The following FADS6 variants were observed in gnomAD, a reference collection of about 807,000 sequenced individuals.
FADS6 encodes fatty acid desaturase 6, also known as fatty acid desaturase domain family, member 6.
Under a neutral mutation model 31.7 loss-of-function variants are expected in FADS6, and 28 were observed. That is an observed-to-expected ratio of 0.88 (90% confidence interval 0.66 to 1.21). FADS6 has a LOEUF of 1.21. FADS6 is among the 50% of genes most tolerant of loss of function. The probability of loss-of-function intolerance (pLI) is 0.00; values close to 1 mark genes in which losing one functional copy is unlikely to be tolerated. For synonymous variants in FADS6, 191 were observed against 213.1 expected, an observed-to-expected ratio of 0.90 and a Z score of 0.90; for missense variants, 494 against 504.2, an observed-to-expected ratio of 0.98 and a Z score of 0.19.
chr17:74,893,296 C>T, intron 1 of FADS6, 56 bp downstream of exon 1: 1 of 1,460,034 alleles, frequency 6.8e-7, no homozygotes. Context: ...CCACCTCCGC[C>T]GCACCCCGCC....
intron 2 of FADS6, among the ~76,000 whole-genome samples, chr17:74,889,870 CAAAAAAAAAAA>C (rs59381032): frequency 9.3e-5 from 5 of 53,526 alleles, no homozygotes; most frequent in African/African-American, 2.8e-4. Context: ...GACTCAGTCT[CAAAAAAAAAAA>C]AAAAAAAAAA....
intron 5 of FADS6, 105 bp from the exon 6 acceptor site, chr17:74,878,582 T>C (rs916115060): frequency 7.2e-7 from 1 of 1,381,172 alleles, no homozygotes; most frequent in East Asian, 2.3e-5. Flanking sequence ...CCAGTTCCTA[T>C]CGGCCTTGTT....
intron 2 of FADS6, among the ~76,000 whole-genome samples, chr17:74,888,482 G>C (rs373693266): frequency 6.6e-6 from 1 of 152,164 alleles, no homozygotes; most frequent in African/African-American, 2.4e-5. Context: ...GGCCTGGAGG[G>C]TAATGGTCAC....
At position 74,892,591 on chromosome 17, in the gene FADS6, G is replaced by A; in HGVS notation, c.343C>T (p.Leu115=). The A allele has an allele frequency of 6.2e-7, 1 of 1,613,498 alleles. No individual in the cohort carries two copies. Among genetic ancestry groups the A allele is most frequent in the Non-Finnish European group, 8.5e-7 (1 of 1,179,672 alleles). The change falls in exon 2 of 6, where the codon CTG becomes TTG. Residue 115 remains leucine (L), a synonymous_variant. Transcript: ENST00000612771. ...HYTLTVKGSH[L]ATHGALTESK... The stretch of plus-strand genomic sequence containing the variant: ...TCGGTGAGGGCCCCATGAGTGGCCA[G>A]GTGGCTGCCCTTGACAGTGAGTGTG...
rs753174024 is a variant in FADS6, at chr17:74,893,471, T to C, written c.125A>G (p.Glu42Gly). The C allele has an allele frequency of 6.3e-7, 1 of 1,579,164 alleles. No homozygotes were observed. The highest frequency in any genetic ancestry group is 1.1e-5 in the South Asian group (1 of 87,742). Residue 42 changes from glutamate (E) to glycine (G), a missense_variant, in exon 1 of 6, where the codon GAG becomes GGG. By Grantham distance (98) the Glu-to-Gly change is moderately conservative. Around this residue, in one of 2 missense-constraint regions of FADS6, gnomAD observed 454 missense variants for 438.5 expected, o/e 1.04. Transcript: ENST00000612771. Reference protein sequence around the residue: ...EPARSAHRGGEALLRELEVLV... With the variant: ...EPARSAHRGGGALLRELEVLV... ...CACCTCCAGCTCCCGCAGCAGCGCC[T>C]CGCCCCCACGGTGCGCGCTCCGCGC...
rs370578781 is a variant in FADS6, at chr17:74,877,835, C to T, written c.*496G>A. The T allele has an allele frequency of 6.5e-5, 64 of 986,510 alleles. No homozygotes were observed. Among genetic ancestry groups the T allele is most frequent in the Non-Finnish European group, 7.2e-5 (60 of 830,872 alleles). 61.1% of individuals were successfully genotyped at this position (986,510 alleles called of 1,614,324 possible). On this transcript the variant is annotated 3_prime_UTR_variant, in exon 6 of 6. Transcript: ENST00000612771. ...AAAAGCAAGCTCACCCTAAGGTCCC[C>T]GGGGAGAGGGCACCTTGGTGGGCAG...
At chr17:74,876,817 G>A (rs1260853113), downstream of FADS6, among the ~76,000 whole-genome samples, 1 of 151,912 alleles carries the variant, frequency 6.6e-6, no homozygotes, top group East Asian at 1.9e-4. Flanking sequence ...AAAGTCAATA[G>A]TGCCAAGGTG....
downstream of FADS6, among the ~76,000 whole-genome samples, chr17:74,876,463 G>C (rs149443390): frequency 6.6e-4 from 101 of 152,222 alleles, no homozygotes; most frequent in African/African-American, 2.0e-3. Flanking sequence ...ATCCAACAAT[G>C]CACAGGACAG....
At chr17:74,879,880 C>T (rs780590236) in intron 4 of FADS6, among the ~76,000 whole-genome samples, 20 of 152,176 alleles carry the variant, frequency 1.3e-4, no homozygotes, top group Non-Finnish European at 2.2e-4. Context: ...CTCATCACAC[C>T]GTGCCCTTGC....
intron 2 of FADS6, among the ~76,000 whole-genome samples, chr17:74,889,732 A>G (rs1436294457): frequency 6.6e-6 from 1 of 151,756 alleles, no homozygotes; most frequent in Non-Finnish European, 1.5e-5. Flanking sequence ...TTAGCTGGAC[A>G]TGGTGGCGGG....
intron 3 of FADS6, 130 bp downstream of exon 3, chr17:74,882,400 G>T: frequency 9.3e-7 from 1 of 1,071,378 alleles, no homozygotes; most frequent in Non-Finnish European, 1.3e-6. Context: ...TTTCTACCTT[G>T]CCATGCTGTC....
Position 74,878,199 on chromosome 17 carries a change from C to G in FADS6, c.*132G>C. 6.9e-7 allele frequency: 1 copy of G among 1,442,612 alleles called. No individual in the cohort carries two copies. Among genetic ancestry groups the G allele is most frequent in the Non-Finnish European group, 9.1e-7 (1 of 1,101,854 alleles). The allele number at this position is 1,442,612 out of a possible 1,614,324, so 89.4% of individuals were successfully genotyped here. The stretch of plus-strand genomic sequence containing the variant: ...GACCCCAGGCCTGAGCTCCCCTGCC[C>G]CCCTGCCTGGCCGGTGCCTCCACTC... On this transcript the variant is annotated 3_prime_UTR_variant, in exon 6 of 6. Transcript: ENST00000612771.
At chr17:74,879,628 A>C in intron 4 of FADS6, 45 bp from the exon 5 acceptor site, 1 of 1,567,292 alleles carries the variant, frequency 6.4e-7, no homozygotes, top group African/African-American at 1.4e-5. Context: ...GGACCTCCCC[A>C]CCCCACTCCA....
chr17:74,887,558 T>C (rs577155454), intron 2 of FADS6, among the ~76,000 whole-genome samples: 1 of 152,344 alleles, frequency 6.6e-6, no homozygotes, highest in African/African-American at 2.4e-5. Context: ...CCCAGATCAG[T>C]GTTTTCTCAT....
At chr17:74,888,212 T>C (rs2038650970) in intron 2 of FADS6, among the ~76,000 whole-genome samples, 1 of 151,280 alleles carries the variant, frequency 6.6e-6, no homozygotes, top group South Asian at 2.1e-4. Flanking sequence ...TGATATTGAA[T>C]GACACTTAGA....
chr17:74,882,927 C>T (rs759102187), intron 2 of FADS6: 213 of 1,319,222 alleles, frequency 1.6e-4, no homozygotes, highest in Middle Eastern at 2.5e-4. Context: ...GTCCGTTTGA[C>T]GAGGCTCTGC....
intron 4 of FADS6, among the ~76,000 whole-genome samples, chr17:74,880,060 C>T (rs996315268): frequency 1.3e-5 from 2 of 152,122 alleles, no homozygotes. Context: ...GGACAGAACT[C>T]AATTATGGGA....
At chr17:74,888,143 C>T (rs1291591957) in intron 2 of FADS6, among the ~76,000 whole-genome samples, 1 of 113,368 alleles carries the variant, frequency 8.8e-6, no homozygotes, top group Non-Finnish European at 1.7e-5. Flanking sequence ...CACACACACA[C>T]ACACACACAC....
chr17:74,893,513 G>T lies in FADS6; in HGVS notation c.83C>A (p.Thr28Lys). The stretch of plus-strand genomic sequence containing the variant: ...GCTCCGCGCCGGTTCCATGGGCTCC[G>T]TAGGTTCCATGGGCTCCGTAGGTTC... ...PMEPTEPMEP[T>K]EPMEPARSAH... The change falls in exon 1 of 6, where the codon ACG becomes AAG. Residue 28 changes from threonine to lysine, a missense_variant. Physicochemically the swap from Thr to Lys is moderately conservative, Grantham distance 78. This residue lies in a region of FADS6 where 40 missense variants were observed against 65.7 expected (regional missense o/e 0.61). Coordinates refer to ENST00000612771, the MANE Select transcript of FADS6 (RefSeq NM_178128.6). 6.4e-7 allele frequency: 1 copy of T among 1,561,848 alleles called. No individual in the cohort carries two copies. Among genetic ancestry groups the T allele is most frequent in the African/African-American group, 1.5e-5 (1 of 67,504 alleles).
Sources: gnomAD v4.1 joint callset for allele counts (sites outside exome capture counted in the v4.1 genomes callset) on GRCh38, gnomAD v4.1.1 for gene constraint, gnomAD v4.1.1 regional missense constraint, MANE v1.5 for transcripts, NCBI Gene and HGNC (gene_info 2026-07-23, HGNC 2026-07-21) for gene names.